The following PHGR1 variants were observed in gnomAD, a reference collection of about 807,000 sequenced individuals.
The protein encoded by PHGR1 is proline, histidine and glycine-rich protein 1.
PHGR1 carries 3 observed loss-of-function variants against 4.9 expected under a neutral mutation model. The observed-to-expected ratio is 0.61, with a 90% confidence interval of 0.28 to 1.58. The LOEUF (loss-of-function observed/expected upper bound fraction) is 1.58, where lower values mean the gene tolerates loss of function less well. Ranked by LOEUF, PHGR1 falls within the 40% of genes most tolerant of loss-of-function variation. The pLI is 0.11. For synonymous variants in PHGR1, 32 were observed against 46.1 expected (o/e 0.69, Z 1.24); for missense variants, 81 against 118.7 (o/e 0.68, Z 1.48).
rs766599359 is a variant in PHGR1, at chr15:40,354,353, G to A, written c.18+1G>A. The A allele has an allele frequency of 6.5e-7, 1 of 1,536,338 alleles. No individual in the cohort carries two copies. The highest frequency in any genetic ancestry group is 1.2e-5 in the South Asian group (1 of 84,032). On this transcript the variant is annotated splice_donor_variant, in intron 3 of 3. Transcript: ENST00000448599. LOFTEE classifies it high-confidence loss of function. ...CCCTTCCTCTCCCACAGGTCCGAAG[G>A]TAGGAAAGTTCCCCCAATGGTCTCC...
At chr15:40,355,998 A>C in intron 3 of PHGR1, 75 bp from the exon 4 acceptor site, 1 of 1,428,868 alleles carries the variant, frequency 7.0e-7, no homozygotes, top group East Asian at 2.5e-5. Flanking sequence ...AGGGAAGTGG[A>C]GTGAGGGAGA....
rs542741163 is a variant in PHGR1, at chr15:40,356,229, C to A, written c.175C>A (p.His59Asn). The A allele has an allele frequency of 2.3e-5, 35 of 1,494,306 alleles. No homozygotes were observed. The highest frequency in any genetic ancestry group is 1.8e-4 in the Middle Eastern group (1 of 5,632). 92.6% of individuals were successfully genotyped at this position (1,494,306 alleles called of 1,614,324 possible). The part of the protein sequence containing the change: ...HGPGPCGPPP[H>N]HGPGPCGPPP... ...CCCAGGGCCCTGCGGGCCACCCCCCCACCATGGTCCAGGGCCCTGCGGGCC... is the reference window on the plus strand; with the variant it reads ...CCCAGGGCCCTGCGGGCCACCCCCCAACCATGGTCCAGGGCCCTGCGGGCC... The change falls in exon 4 of 4, where the codon CAC (histidine) becomes AAC (asparagine). Residue 59 changes from histidine (H) to asparagine (N), a missense_variant. Physicochemically the swap from His to Asn is moderately conservative, Grantham distance 68. Transcript: ENST00000448599.
rs188591005 is a variant in PHGR1, at chr15:40,355,761, G to C, written c.19-312G>C. On this transcript the variant is annotated intron_variant, in intron 3 of 3. Coordinates refer to ENST00000448599, the MANE Select transcript of PHGR1 (RefSeq NM_001145643.2). Reference sequence around the variant, plus strand: ...TGCAAGGGTTCCTGGGTGAGAGAAAGGAGAAGATGAAATAATTCTGCTTCT... The same window carrying C: ...TGCAAGGGTTCCTGGGTGAGAGAAACGAGAAGATGAAATAATTCTGCTTCT... 5.6e-4 allele frequency among the ~76,000 whole-genome samples: 85 copies of C among 152,346 alleles called. 2 individuals carry two copies. The highest frequency in any genetic ancestry group is 7.3e-5 in the Non-Finnish European group (5 of 68,028).
At chr15:40,355,970 A>G in intron 3 of PHGR1, 103 bp from the exon 4 acceptor site, 1 of 1,254,888 alleles carries the variant, frequency 8.0e-7, no homozygotes, top group Non-Finnish European at 1.1e-6. Context: ...TTACTTGCCT[A>G]GAAATCCTGA....
At chr15:40,353,464 G>C (rs1249110480) in intron 2 of PHGR1, 197 bp downstream of exon 2, 1 of 674,172 alleles carries the variant, frequency 1.5e-6, no homozygotes, top group African/African-American at 1.8e-5. Flanking sequence ...AGTTTAAAAA[G>C]CATGCTTACT....
rs57886573 is a variant in PHGR1, at chr15:40,353,110, G to GGTGTGTGTGTGT, written c.-26-96_-26-85dup. 265 of 565,356 alleles carry GGTGTGTGTGTGT rather than the reference G, an allele frequency of 4.7e-4. 1 individual carries two copies. The highest frequency in any genetic ancestry group is 3.4e-3 in the Middle Eastern group (7 of 2,054). The allele number at this position is 565,356 out of a possible 1,614,324, so 35.0% of individuals were successfully genotyped here. A position where few individuals can be genotyped will look rare whatever the true frequency, so the allele number is the denominator to read the frequency against. ...GTTTTTTCCCTTTCTTCCTTTGAAG[G>GGTGTGTGTGTGT]GTGTGTGTGTGTGTGTGTGTGTGTG... On this transcript the variant is annotated intron_variant, in intron 1 of 3. Coordinates refer to ENST00000448599, the MANE Select transcript of PHGR1 (RefSeq NM_001145643.2).
chr15:40,353,110 G>GGTGTGT lies in PHGR1; in HGVS notation c.-26-90_-26-85dup, dbSNP rs57886573. On this transcript the variant is annotated intron_variant, in intron 1 of 3. Transcript: ENST00000448599. ...GTTTTTTCCCTTTCTTCCTTTGAAGGGTGTGTGTGTGTGTGTGTGTGTGTG... is the reference window on the plus strand; with the variant it reads ...GTTTTTTCCCTTTCTTCCTTTGAAGGGTGTGTGTGTGTGTGTGTGTGTGTGTGTGTG... 2,918 of 565,052 alleles carry GGTGTGT rather than the reference G, an allele frequency of 5.2e-3. 22 individuals are homozygous for GGTGTGT. The highest frequency in any genetic ancestry group is 0.024 in the African/African-American group (1,177 of 48,564). The allele number at this position is 565,052 out of a possible 1,614,324, so 35.0% of individuals were successfully genotyped here.
rs559450424 is a variant in PHGR1, at chr15:40,356,249, C to T, written c.195C>T (p.Cys65=). The change falls in exon 4 of 4, where the codon TGC becomes TGT. Residue 65 remains cysteine, a synonymous_variant. Transcript: ENST00000448599. ...CCCCCCACCATGGTCCAGGGCCCTG[C>T]GGGCCTCCCCCTGGCCATGGCCCAG... is the stretch of plus-strand genomic sequence containing the variant. ...GPPPHHGPGP[C]GPPPGHGPGH... The T allele has an allele frequency of 3.4e-5, 52 of 1,547,072 alleles. 2 individuals carry two copies. In the East Asian group the frequency reaches 6.4e-4, roughly 19 times the overall value.
At chr15:40,353,375 C>A in intron 2 of PHGR1, 108 bp downstream of exon 2, 1 of 1,393,534 alleles carries the variant, frequency 7.2e-7, no homozygotes, top group Non-Finnish European at 9.9e-7. Context: ...CAAAAATGTA[C>A]GTGCGTGTGT....
chr15:40,352,251 AG>A (rs909770416), intron 1 of PHGR1, among the ~76,000 whole-genome samples: 2 of 152,128 alleles, frequency 1.3e-5, no homozygotes, highest in African/African-American at 4.8e-5. Context: ...AAAGAGGTTC[AG>A]GGGGCTGTGT....
chr15:40,352,136 G>A (rs1248332085), intron 1 of PHGR1, among the ~76,000 whole-genome samples: 2 of 152,130 alleles, frequency 1.3e-5, no homozygotes, highest in African/African-American at 4.8e-5. Flanking sequence ...CCTGGAGGTC[G>A]AGGCTTCAGT....
At chr15:40,352,077 C>T (rs916626140) in intron 1 of PHGR1, among the ~76,000 whole-genome samples, 2 of 152,110 alleles carry the variant, frequency 1.3e-5, no homozygotes, top group Admixed American at 6.5e-5. Flanking sequence ...GTGGCACATA[C>T]CTATAGTCCC....
intron 1 of PHGR1, among the ~76,000 whole-genome samples, chr15:40,351,957 G>A (rs759448499): frequency 2.2e-4 from 33 of 152,040 alleles, no homozygotes; most frequent in Admixed American, 7.9e-4. Context: ...GGCTGGTCTC[G>A]AACTCCTGAC....
At position 40,356,416 on chromosome 15, in the gene PHGR1, C is replaced by A. The variant is rs1595721114; in HGVS notation, c.*113C>A. 6.7e-7 allele frequency: 1 copy of A among 1,488,690 alleles called. No individual in the cohort carries two copies. Among genetic ancestry groups the A allele is most frequent in the East Asian group, 2.5e-5 (1 of 40,588 alleles). 92.2% of individuals were successfully genotyped at this position (1,488,690 alleles called of 1,614,324 possible). A position where few individuals can be genotyped will look rare whatever the true frequency, so the allele number is the denominator to read the frequency against. ...TTCCTAATAAACAGCCTCCTAGAGG[C>A]CACATTCTATTCTTTAAAGAGCCTG... On this transcript the variant is annotated 3_prime_UTR_variant, in exon 4 of 4. Coordinates refer to ENST00000448599, the MANE Select transcript of PHGR1 (RefSeq NM_001145643.2).
At chr15:40,353,185 A>G (rs927570279) in intron 1 of PHGR1, 47 bp from the exon 2 acceptor site, 6 of 1,533,092 alleles carry the variant, frequency 3.9e-6, no homozygotes, top group Admixed American at 2.0e-5. Context: ...GAAAGGAAAG[A>G]CTGCAATTTA....
Position 40,356,343 on chromosome 15 carries a change from G to C in PHGR1, c.*40G>C. 5 of 1,549,770 alleles carry C rather than the reference G, an allele frequency of 3.2e-6. No homozygotes were observed. Among genetic ancestry groups the C allele is most frequent in the Non-Finnish European group, 4.4e-6 (5 of 1,146,542 alleles). On this transcript the variant is annotated 3_prime_UTR_variant, in exon 4 of 4. Coordinates refer to ENST00000448599, the MANE Select transcript of PHGR1 (RefSeq NM_001145643.2). ...ACAGGACACAAGATGGCAAGCCTGA[G>C]AGAATTGCCCAGCTGACCTGGAATG...
rs1889289623 is a variant in PHGR1 at position 40,356,072 on chromosome 15, G to A, written c.19-1G>A. 1 of 1,549,900 alleles carries A rather than the reference G, an allele frequency of 6.5e-7. No individual in the cohort carries two copies. The highest frequency in any genetic ancestry group is 1.4e-5 in the African/African-American group (1 of 73,116). On this transcript the variant is annotated splice_acceptor_variant, in intron 3 of 3. Transcript: ENST00000448599. LOFTEE classifies it high-confidence loss of function. The stretch of plus-strand genomic sequence containing the variant: ...GACATTGTTCATTTGACTTTCCACA[G>A]GGGCACTGCCACTGTGGGGGGCATG...
chr15:40,351,044 C>T lies in PHGR1; in HGVS notation c.-45C>T. 6.6e-6 allele frequency: 1 copy of T among 152,424 alleles called. No individual in the cohort carries two copies. Among genetic ancestry groups the T allele is most frequent in the East Asian group, 1.9e-4 (1 of 5,204 alleles). 9.4% of individuals were successfully genotyped at this position (152,424 alleles called of 1,614,324 possible). The stretch of plus-strand genomic sequence containing the variant: ...ACAGACAGTGCCCCAGACTTCCTGC[C>T]CCTGCTCTGCACTCTCAGGTAGGGA... On this transcript the variant is annotated 5_prime_UTR_variant, in exon 1 of 4. Coordinates refer to ENST00000448599, the MANE Select transcript of PHGR1 (RefSeq NM_001145643.2).
rs1889257255 is a variant in PHGR1 at position 40,354,417 on chromosome 15, C to T, written c.18+65C>T. 4.0e-6 allele frequency: 6 copies of T among 1,483,910 alleles called. No individual in the cohort carries two copies. The South Asian group carries it at 7.3e-5, about 18-fold the overall frequency. The allele number at this position is 1,483,910 out of a possible 1,614,324, so 91.9% of individuals were successfully genotyped here. A position where few individuals can be genotyped will look rare whatever the true frequency, so the allele number is the denominator to read the frequency against. On this transcript the variant is annotated intron_variant, in intron 3 of 3. Coordinates refer to ENST00000448599, the MANE Select transcript of PHGR1 (RefSeq NM_001145643.2). ...ACTGTCATGTCCTCCAGACCCCTAG[C>T]CTCCTTCCTAGACCCTCAGGGAGCA...
Sources: gnomAD v4.1 joint callset for allele counts (sites outside exome capture counted in the v4.1 genomes callset) on GRCh38, gnomAD v4.1.1 for gene constraint, MANE v1.5 for transcripts, NCBI Gene and HGNC (gene_info 2026-07-23, HGNC 2026-07-21) for gene names.